RNF150: variants seen among roughly 807,000 people sequenced by gnomAD.
The protein encoded by RNF150 is ring finger protein 150.
In RNF150, 24 loss-of-function variants were observed where a neutral mutation model predicts 39.3. The observed-to-expected ratio is 0.61, with a 90% CI of 0.44 to 0.86. RNF150 has a LOEUF of 0.86. RNF150 is among the 40% of genes least tolerant of loss of function. The probability of loss-of-function intolerance (pLI) is 0.00; values close to 1 mark genes in which losing one functional copy is unlikely to be tolerated. For synonymous variants in RNF150, 255 were observed against 227.3 expected, an observed-to-expected ratio of 1.12 and a Z score of -1.10; for missense variants, 502 against 587.8, an observed-to-expected ratio of 0.85 and a Z score of 1.51.
At chr4:140,962,805 A>G (rs967024539) in intron 2 of RNF150, among the ~76,000 whole-genome samples, 1 of 152,022 alleles carries the variant, frequency 6.6e-6, no homozygotes, top group Non-Finnish European at 1.5e-5. Context: ...CATTTAGTTT[A>G]GAAAAACAAT....
At chr4:141,172,852 C>T (rs911876786) in intron 1 of RNF150, among the ~76,000 whole-genome samples, 4 of 152,032 alleles carry the variant, frequency 2.6e-5, no homozygotes, top group Non-Finnish European at 5.9e-5. Context: ...TAGTGAAACC[C>T]CATCTCTACT....
chr4:140,955,836 T>G (rs1365586882), intron 2 of RNF150, among the ~76,000 whole-genome samples: 1 of 152,232 alleles, frequency 6.6e-6, no homozygotes. Context: ...TAAATTTCAT[T>G]ACTTCTTTTA....
chr4:140,989,818 T>TAGTACTTGCA (rs1054443677), intron 1 of RNF150, among the ~76,000 whole-genome samples: 3 of 152,102 alleles, frequency 2.0e-5, no homozygotes, highest in African/African-American at 4.8e-5. Context: ...CTGAAGATGA[T>TAGTACTTGCA]AGTACTTGCA....
intron 1 of RNF150, among the ~76,000 whole-genome samples, chr4:141,157,711 C>G (rs920778179): frequency 6.6e-6 from 1 of 152,116 alleles, no homozygotes; most frequent in Admixed American, 6.5e-5. Context: ...GAAGTTTACA[C>G]GATAACATAT....
chr4:141,096,486 C>A (rs904462444), intron 1 of RNF150, among the ~76,000 whole-genome samples: 1 of 152,090 alleles, frequency 6.6e-6, no homozygotes, highest in Non-Finnish European at 1.5e-5. Context: ...GCGTGAGTCA[C>A]CGTGCCCAGC....
At chr4:141,211,574 T>C (rs1728466039) in intron 1 of RNF150, among the ~76,000 whole-genome samples, 1 of 152,178 alleles carries the variant, frequency 6.6e-6, no homozygotes, top group Non-Finnish European at 1.5e-5. Flanking sequence ...GAGTCTGCTT[T>C]AAAAGCACTA....
At position 141,020,104 on chromosome 4, in the gene RNF150, T is replaced by A. The variant is rs528870640; in HGVS notation, c.485-52231A>T. 5.2e-3 allele frequency among the ~76,000 whole-genome samples: 788 copies of A among 151,560 alleles called. 4 individuals carry two copies. The highest frequency in any genetic ancestry group is 0.01 in the Middle Eastern group (3 of 288). ...AGGGAGTTTTTTTTTGGTTTGATAT[T>A]TTTTTTTTCATTTTACTTTGTTTTA... On this transcript the variant is annotated intron_variant, in intron 1 of 6. Transcript: ENST00000515673.
intron 1 of RNF150, among the ~76,000 whole-genome samples, chr4:141,153,596 A>C (rs993409948): frequency 6.6e-6 from 1 of 152,212 alleles, no homozygotes; most frequent in African/African-American, 2.4e-5. Flanking sequence ...GTACTAACCC[A>C]CACAGTAAAG....
chr4:140,998,226 T>C (rs991212383), intron 1 of RNF150, among the ~76,000 whole-genome samples: 1 of 152,218 alleles, frequency 6.6e-6, no homozygotes, highest in Non-Finnish European at 1.5e-5. Flanking sequence ...CAAAAGTTCA[T>C]TTATTGAAAG....
chr4:140,886,648 C>T (rs531180803), intron 6 of RNF150, among the ~76,000 whole-genome samples: 1 of 152,142 alleles, frequency 6.6e-6, no homozygotes, highest in East Asian at 1.9e-4. Flanking sequence ...TAGACAGTCT[C>T]ACTCTGTTGA....
chr4:141,071,131 A>G (rs1442144217), intron 1 of RNF150, among the ~76,000 whole-genome samples: 9 of 139,538 alleles, frequency 6.4e-5, no homozygotes, highest in Non-Finnish European at 1.4e-4. Context: ...CTATTGCAAG[A>G]ACAAAAAACC....
rs371472936 is a variant in RNF150, at chr4:141,132,823, G to A, written c.-15C>T. On this transcript the variant is annotated 5_prime_UTR_variant, in exon 1 of 7. Coordinates refer to ENST00000515673, the MANE Select transcript of RNF150 (RefSeq NM_020724.2). The surrounding 1 kb of genome is among the most constrained non-coding windows in gnomAD (Gnocchi z 4.9). ...GACATTGCCATCTTTATCCGCCGGG[G>A]CCCCCTCCCCGCCCCCGCGCCCTCC... 4.4e-5 allele frequency: 70 copies of A among 1,604,696 alleles called. No homozygotes were observed. The African/African-American group carries it at 9.2e-4, about 21-fold the overall frequency.
At chr4:140,873,455 T>A (rs1312931974) in intron 6 of RNF150, among the ~76,000 whole-genome samples, 1 of 152,172 alleles carries the variant, frequency 6.6e-6, no homozygotes, top group Non-Finnish European at 1.5e-5. Flanking sequence ...GCCTGAAAAC[T>A]GGAAGAATAT....
chr4:140,992,462 A>G (rs1350849745), intron 1 of RNF150, among the ~76,000 whole-genome samples: 1 of 152,154 alleles, frequency 6.6e-6, no homozygotes, highest in African/African-American at 2.4e-5. Flanking sequence ...GTTGAACAGT[A>G]CTGCTTCTTT....
chr4:141,076,460 T>A (rs1038705402), intron 1 of RNF150, among the ~76,000 whole-genome samples: 1 of 152,036 alleles, frequency 6.6e-6, no homozygotes, highest in African/African-American at 2.4e-5. Flanking sequence ...ATGATCTGAT[T>A]TAACCAGCCA....
In RNF150 at chr4:140,966,562, C is replaced by T. The variant is rs573876698; in HGVS notation, c.735+1061G>A. 6.6e-5 allele frequency among the ~76,000 whole-genome samples: 10 copies of T among 152,112 alleles called. No homozygotes were observed. In the South Asian group the frequency reaches 2.1e-3, roughly 32 times the overall value. On this transcript the variant is annotated intron_variant, in intron 2 of 6. Transcript: ENST00000515673. ...AGTCAAATAATAAAAGTAGTTACTT[C>T]ACCAAAAATATTCACTTTTTCTATT...
intron 1 of RNF150, among the ~76,000 whole-genome samples, chr4:141,097,064 C>G (rs1056096346): frequency 2.0e-5 from 3 of 152,204 alleles, no homozygotes; most frequent in African/African-American, 7.2e-5. Flanking sequence ...CCAATTAACA[C>G]TGTCTTCATG....
At chr4:141,066,653 A>AT (rs1737474043) in intron 1 of RNF150, among the ~76,000 whole-genome samples, 1 of 152,252 alleles carries the variant, frequency 6.6e-6, no homozygotes, top group Non-Finnish European at 1.5e-5. Context: ...TTTGCAAAGC[A>AT]TATTTTCCCC....
At chr4:141,129,406 A>G (rs932969333) in intron 1 of RNF150, among the ~76,000 whole-genome samples, 1 of 152,228 alleles carries the variant, frequency 6.6e-6, no homozygotes, top group Non-Finnish European at 1.5e-5. Flanking sequence ...AAGGTACAAA[A>G]GAGGCATTTA....
Sources: allele counts gnomAD v4.1 joint callset (sites outside exome capture counted in the v4.1 genomes callset), GRCh38; gene constraint gnomAD v4.1.1; non-coding constraint Gnocchi (gnomAD v3.1); transcripts MANE v1.5; gene names NCBI Gene and HGNC (gene_info 2026-07-23, HGNC 2026-07-21).